Variants in CD40LG observed in about 807,000 individuals in gnomAD.
The protein encoded by CD40LG is CD40 antigen ligand.
CD40LG carries 1 observed loss-of-function variant against 17.2 expected under a neutral mutation model. The ratio of observed to expected loss-of-function variants is 0.06; its 90% CI spans 0.02 to 0.28. The LOEUF (loss-of-function observed/expected upper bound fraction) is 0.28. Among genes scored for constraint, CD40LG ranks in the 10% least tolerant of loss-of-function variants. The pLI, the probability that CD40LG is intolerant of heterozygous loss-of-function variation, is 1.00. For missense variants in CD40LG, 133 were observed against 193.2 expected (o/e 0.69, Z 1.85); for synonymous variants, 66 against 74.4 (o/e 0.89, Z 0.58).
At chrX:136,648,736 GA>G (rs1280273535) in intron 1 of CD40LG, among the ~76,000 whole-genome samples, 1 of 111,986 alleles carries the variant, frequency 8.9e-6, no homozygotes, top group African/African-American at 3.2e-5. Flanking sequence ...AAAAGCTTAG[GA>G]GGGGGTCTGA....
intron 3 of CD40LG, among the ~76,000 whole-genome samples, chrX:136,655,893 A>G (rs2148552801): frequency 8.9e-6 from 1 of 112,508 alleles, no homozygotes; most frequent in South Asian, 3.7e-4. Flanking sequence ...TAGAAGATTG[A>G]CACATCTCAT....
intron 2 of CD40LG, among the ~76,000 whole-genome samples, chrX:136,651,475 C>T (rs1388185246): frequency 8.9e-6 from 1 of 112,154 alleles, no homozygotes; most frequent in Admixed American, 9.4e-5. Context: ...AGTGAAGACT[C>T]TAACAGCTTA....
intron 3 of CD40LG, among the ~76,000 whole-genome samples, 153 bp from the exon 4 acceptor site, chrX:136,656,203 C>T (rs982587768): frequency 7.1e-5 from 8 of 112,359 alleles, no homozygotes; most frequent in African/African-American, 2.6e-4. Flanking sequence ...ACCAACTTTT[C>T]CTTCAGTGGG....
chrX:136,650,223 C>T (rs1353382050), intron 1 of CD40LG, 43 bp from the exon 2 acceptor site: 22 of 1,047,086 alleles, frequency 2.1e-5, no homozygotes, highest in Non-Finnish European at 2.9e-5. Context: ...GCTGTATTCT[C>T]CTTCCGAATG....
rs1490893550 is a variant in CD40LG, at chrX:136,656,407, AAAC to A, written c.403_405del (p.Thr135del). ...CATGTCATAAGTGAGGCCAGCAGTA[AAAC>A]AACATCTGGTAAGTCACACAGCATC... On this transcript the variant is annotated inframe_deletion, in exon 4 of 5. Transcript: ENST00000370629. 12 of 1,205,776 alleles carry A rather than the reference AAAC, an allele frequency of 1.0e-5. No homozygotes were observed. Among genetic ancestry groups the A allele is most frequent in the Non-Finnish European group, 1.2e-5 (11 of 891,455 alleles).
intron 2 of CD40LG, among the ~76,000 whole-genome samples, chrX:136,653,782 G>A (rs771920182): frequency 6.2e-5 from 7 of 112,297 alleles, no homozygotes; most frequent in Non-Finnish European, 1.1e-4. Flanking sequence ...CTGTGTTTCC[G>A]AAATGCTGAT....
Position 136,653,201 on chromosome X carries a change from C to T in CD40LG, c.289-1172C>T, listed in dbSNP as rs181832252. On this transcript the variant is annotated intron_variant, in intron 2 of 4. Coordinates refer to ENST00000370629, the MANE Select transcript of CD40LG (RefSeq NM_000074.3). ...CTGTCACCACATCTTCATAGTGCCG[C>T]GCTTCAGCTCAAATGGAAAGTTGAA... Among the ~76,000 whole-genome samples the T allele has an allele frequency of 3.6e-5, 4 of 112,400 alleles. No individual in the cohort carries two copies. The East Asian group carries it at 8.3e-4, about 23-fold the overall frequency.
chrX:136,655,437 T>C (rs1384152192), intron 3 of CD40LG, among the ~76,000 whole-genome samples: 1 of 112,452 alleles, frequency 8.9e-6, no homozygotes, highest in Non-Finnish European at 1.9e-5. Context: ...CAGCAGATTA[T>C]GGGAAAGACG....
Position 136,659,230 on chromosome X carries a change from T to C in CD40LG, c.601T>C (p.Phe201Leu), listed in dbSNP as rs144827029. ...CCTCTGCCTAAAGTCCCCCGGTAGA[T>C]TCGAGAGAATCTTACTCAGAGCTGC... ...ASLCLKSPGR[F>L]ERILLRAANT... Residue 201 changes from phenylalanine to leucine, a missense_variant, in exon 5 of 5, where the codon TTC becomes CTC. Coordinates refer to ENST00000370629, the MANE Select transcript of CD40LG (RefSeq NM_000074.3). 8.4e-5 allele frequency: 102 copies of C among 1,209,798 alleles called. 1 individual carries two copies. In the African/African-American group the frequency reaches 1.8e-3, roughly 21 times the overall value.
chrX:136,660,187 T>C lies in CD40LG; in HGVS notation c.*772T>C, dbSNP rs1032538275. ...TCAGGCCGTTGCTAGTCAGTTCTCTTCTTTCCACCCTGTCCCTATCTCTAC... is the reference window on the plus strand; with the variant it reads ...TCAGGCCGTTGCTAGTCAGTTCTCTCCTTTCCACCCTGTCCCTATCTCTAC... On this transcript the variant is annotated 3_prime_UTR_variant, in exon 5 of 5. Transcript: ENST00000370629. The C allele has an allele frequency of 9.8e-6, 1 of 102,229 alleles. No individual in the cohort carries two copies. The highest frequency in any genetic ancestry group is 3.6e-5 in the African/African-American group (1 of 27,524). The allele number at this position is 102,229 out of a possible 1,213,427, so 8.4% of individuals were successfully genotyped here. A position where few individuals can be genotyped will look rare whatever the true frequency, so the allele number is the denominator to read the frequency against.
At position 136,656,379 on chromosome X, in the gene CD40LG, G is replaced by T. The variant is rs2076118951; in HGVS notation, c.370G>T (p.Ala124Ser). Residue 124 changes from alanine to serine, a missense_variant, in exon 4 of 5, where the codon GCA (alanine) becomes TCA (serine). By Grantham distance (99) the Ala-to-Ser change is moderately conservative. Transcript: ENST00000370629. ...AGGTGATCAGAATCCTCAAATTGCG[G>T]CACATGTCATAAGTGAGGCCAGCAG... Reference protein sequence around the residue: ...QKGDQNPQIAAHVISEASSKT... With the variant: ...QKGDQNPQIASHVISEASSKT... 8.3e-7 allele frequency: 1 copy of T among 1,207,951 alleles called. No homozygotes were observed. Among genetic ancestry groups the T allele is most frequent in the Admixed American group, 2.2e-5 (1 of 45,767 alleles).
Position 136,659,801 on chromosome X carries a change from A to G in CD40LG, c.*386A>G, listed in dbSNP as rs1361194719. Reference sequence around the variant, plus strand: ...GGATAATGCATTTGATTTATCAGTGAAGATGCAGAAGGGAAATGGGGAGCC... The same window carrying G: ...GGATAATGCATTTGATTTATCAGTGGAGATGCAGAAGGGAAATGGGGAGCC... On this transcript the variant is annotated 3_prime_UTR_variant, in exon 5 of 5. Transcript: ENST00000370629. 1 of 157,163 alleles carries G rather than the reference A, an allele frequency of 6.4e-6. No individual in the cohort carries two copies. Among genetic ancestry groups the G allele is most frequent in the East Asian group, 1.7e-4 (1 of 5,940 alleles). 13.0% of individuals were successfully genotyped at this position (157,163 alleles called of 1,213,427 possible).
Position 136,658,987 on chromosome X carries a change from T to C in CD40LG, c.410-52T>C, listed in dbSNP as rs2076126449. 31 of 1,184,543 alleles carry C rather than the reference T, an allele frequency of 2.6e-5. No homozygotes were observed. In the South Asian group the frequency reaches 3.4e-4, roughly 13 times the overall value. The stretch of plus-strand genomic sequence containing the variant: ...TTAAACTATATTTTTTGTCAGAATG[T>C]GAACCATGCTCTGCTTCACCTCACC... On this transcript the variant is annotated intron_variant, in intron 4 of 4. Transcript: ENST00000370629.
intron 3 of CD40LG, among the ~76,000 whole-genome samples, chrX:136,654,870 C>T (rs779968538): frequency 2.7e-5 from 3 of 110,992 alleles, no homozygotes; most frequent in South Asian, 3.9e-4. Flanking sequence ...ATTATTTGCC[C>T]GGTTCTTAAA....
rs759260732 is a variant in CD40LG at position 136,656,430 on chromosome X, A to G, written c.409+12A>G. 3 of 1,189,271 alleles carry G rather than the reference A, an allele frequency of 2.5e-6. No homozygotes were observed. In the South Asian group the frequency reaches 5.3e-5, roughly 21 times the overall value. On this transcript the variant is annotated intron_variant, in intron 4 of 4. Coordinates refer to ENST00000370629, the MANE Select transcript of CD40LG (RefSeq NM_000074.3). ...TAAAACAACATCTGGTAAGTCACACAGCATCTGAGCGGTAGCCACCCAAGG... is the reference window on the plus strand; with the variant it reads ...TAAAACAACATCTGGTAAGTCACACGGCATCTGAGCGGTAGCCACCCAAGG...
chrX:136,659,465 A>G lies in CD40LG; in HGVS notation c.*50A>G, dbSNP rs1309689997. 1.5e-5 allele frequency: 18 copies of G among 1,168,198 alleles called. No individual in the cohort carries two copies. Among genetic ancestry groups the G allele is most frequent in the Non-Finnish European group, 2.1e-5 (18 of 865,144 alleles). On this transcript the variant is annotated 3_prime_UTR_variant, in exon 5 of 5. Transcript: ENST00000370629. ...TGGAGCTGACGCTGGGAGTCTTCAT[A>G]ATACAGCACAGCGGTTAAGCCCACC...
At position 136,650,379 on chromosome X, in the gene CD40LG, G is replaced by A; in HGVS notation, c.270G>A (p.Gln90=). ...TGAACTGTGAGGAGATTAAAAGCCA[G>A]TTTGAAGGCTTTGTGAAGGTAAGCA... ...SLLNCEEIKS[Q]FEGFVKDIML... is the part of the protein sequence containing the mutation. The change falls in exon 2 of 5, where the codon CAG becomes CAA. Residue 90 remains glutamine (Q), a synonymous_variant. Coordinates refer to ENST00000370629, the MANE Select transcript of CD40LG (RefSeq NM_000074.3). 1 of 1,208,328 alleles carries A rather than the reference G, an allele frequency of 8.3e-7. No homozygotes were observed. Among genetic ancestry groups the A allele is most frequent in the Non-Finnish European group, 1.1e-6 (1 of 892,676 alleles).
In CD40LG at chrX:136,659,284, G is replaced by A. The variant is rs148594123; in HGVS notation, c.655G>A (p.Gly219Arg). The change falls in exon 5 of 5, where the codon GGG (glycine) becomes AGG (arginine). Residue 219 changes from glycine (G) to arginine (R), a missense_variant. Transcript: ENST00000370629. ...ANTHSSAKPC[G>R]QQSIHLGGVF... ...TACCCACAGTTCCGCCAAACCTTGC[G>A]GGCAACAATCCATTCACTTGGGAGG... The A allele has an allele frequency of 0.015, 18,197 of 1,209,678 alleles. 122 individuals carry two copies. Among genetic ancestry groups the A allele is most frequent in the Non-Finnish European group, 0.018 (15,822 of 894,853 alleles).
At position 136,659,337 on chromosome X, in the gene CD40LG, G is replaced by A. The variant is rs146620753; in HGVS notation, c.708G>A (p.Ser236=). The change falls in exon 5 of 5, where the codon TCG becomes TCA. Residue 236 remains serine, a synonymous_variant. Coordinates refer to ENST00000370629, the MANE Select transcript of CD40LG (RefSeq NM_000074.3). ...GGVFELQPGA[S]VFVNVTDPSQ... ...TATTTGAATTGCAACCAGGTGCTTCGGTGTTTGTCAATGTGACTGATCCAA... is the reference window on the plus strand; with the variant it reads ...TATTTGAATTGCAACCAGGTGCTTCAGTGTTTGTCAATGTGACTGATCCAA... 197 of 1,209,103 alleles carry A rather than the reference G, an allele frequency of 1.6e-4. 1 individual carries two copies. The East Asian group carries it at 4.2e-3, about 26-fold the overall frequency.
Sources: allele counts gnomAD v4.1 joint callset (sites outside exome capture counted in the v4.1 genomes callset), GRCh38; gene constraint gnomAD v4.1.1; transcripts MANE v1.5; gene names NCBI Gene and HGNC (gene_info 2026-07-23, HGNC 2026-07-21).